RBFOX3: variants seen among roughly 807,000 people sequenced by gnomAD.
The protein encoded by RBFOX3 is RNA binding protein fox-1 homolog 3.
Under a neutral mutation model 48.7 loss-of-function variants are expected in RBFOX3, and 17 were observed. The ratio of observed to expected loss-of-function variants is 0.35; its 90% CI spans 0.24 to 0.52. The LOEUF is 0.52. Among genes scored for constraint, RBFOX3 ranks in the 20% least tolerant of loss-of-function variants. The pLI is 0.94. For missense variants in RBFOX3, 382 were observed against 497.5 expected (o/e 0.77, Z 2.21); for synonymous variants, 212 against 209.5 (o/e 1.01, Z -0.10).
chr17:79,210,928 C>A (rs1331287557), intron 4 of RBFOX3, among the ~76,000 whole-genome samples: 3 of 151,768 alleles, frequency 2.0e-5, no homozygotes, highest in Non-Finnish European at 4.4e-5. Context: ...ACCTCGGTAT[C>A]CCCAGTGTCC....
chr17:79,565,380 C>T (rs2092420051), intron 1 of RBFOX3, among the ~76,000 whole-genome samples: 2 of 149,954 alleles, frequency 1.3e-5, no homozygotes, highest in African/African-American at 4.9e-5. Flanking sequence ...CGCTCTGTTG[C>T]CTAGGCTGGA....
At chr17:79,513,930 T>G (rs1371399007) in intron 1 of RBFOX3, among the ~76,000 whole-genome samples, 1 of 152,162 alleles carries the variant, frequency 6.6e-6, no homozygotes, top group African/African-American at 2.4e-5. Context: ...TAGTCTAACT[T>G]GGAATTTGGC....
rs572019588 is a variant in RBFOX3 at position 79,423,205 on chromosome 17, C to T, written c.-175+59249G>A. The stretch of plus-strand genomic sequence containing the variant: ...CACATGTCCAAAACCAAACTCCTCA[C>T]GTCCTGCGGTCTCCCCGTGGAAGCC... On this transcript the variant is annotated intron_variant, in intron 2 of 14. Transcript: ENST00000693108. This position sits in a 1 kb window ranked among gnomAD's most constrained non-coding sequence, Gnocchi z 4.9. 2.0e-5 allele frequency among the ~76,000 whole-genome samples: 3 copies of T among 152,214 alleles called. No individual in the cohort carries two copies. The highest frequency in any genetic ancestry group is 2.9e-5 in the Non-Finnish European group (2 of 68,038).
intron 3 of RBFOX3, among the ~76,000 whole-genome samples, chr17:79,276,414 G>A (rs1178826694): frequency 2.6e-5 from 4 of 152,178 alleles, no homozygotes; most frequent in Non-Finnish European, 5.9e-5. Flanking sequence ...GACCAGGCGC[G>A]GTGGTTCACG....
intron 3 of RBFOX3, among the ~76,000 whole-genome samples, chr17:79,271,722 G>A (rs1241226992): frequency 3.3e-5 from 5 of 150,308 alleles, no homozygotes; most frequent in East Asian, 2.0e-4. Context: ...TCTGGACCCC[G>A]TTGCCTAATT....
chr17:79,264,071 C>T lies in RBFOX3; in HGVS notation c.-73-28266G>A, dbSNP rs993488396. On this transcript the variant is annotated intron_variant, in intron 3 of 14. Coordinates refer to ENST00000693108, the MANE Select transcript of RBFOX3 (RefSeq NM_001350451.2). ...GAAGGACCCTTCCCTAGAGCTTTGG[C>T]GGGAGCGCAGCCCTGTTGGCATCTT... 4.1e-5 allele frequency among the ~76,000 whole-genome samples: 6 copies of T among 147,678 alleles called. No homozygotes were observed. In the East Asian group the frequency reaches 5.9e-4, roughly 15 times the overall value.
chr17:79,216,937 C>T (rs2059133241), intron 4 of RBFOX3, among the ~76,000 whole-genome samples: 1 of 152,160 alleles, frequency 6.6e-6, no homozygotes, highest in South Asian at 2.1e-4. Context: ...ACCCCCGGCC[C>T]CTGTCTCCCC....
the RBFOX3 span, among the ~76,000 whole-genome samples, chr17:79,654,606 G>A: frequency 7.9e-5 from 12 of 152,180 alleles, no homozygotes; most frequent in Admixed American, 7.2e-4. Context: ...GTAAGGGAAG[G>A]AGTCCCTATT....
chr17:79,590,221 C>T (rs973384098), intron 1 of RBFOX3, among the ~76,000 whole-genome samples: 6 of 152,134 alleles, frequency 3.9e-5, no homozygotes, highest in Admixed American at 6.5e-5. Context: ...TGATAGGGGA[C>T]AGACACGCGC....
chr17:79,416,215 C>T (rs931980846), intron 2 of RBFOX3, among the ~76,000 whole-genome samples: 2 of 152,200 alleles, frequency 1.3e-5, no homozygotes, highest in Non-Finnish European at 1.5e-5. Context: ...GAATCCTCCC[C>T]GGGAGCAGCT....
upstream of RBFOX3, among the ~76,000 whole-genome samples, chr17:79,614,852 A>T (rs2093987931): frequency 6.6e-6 from 1 of 152,178 alleles, no homozygotes; most frequent in Non-Finnish European, 1.5e-5. Flanking sequence ...GGGATGAAAA[A>T]AAACTAGATG....
chr17:79,406,232 G>A (rs2063515585), intron 2 of RBFOX3, among the ~76,000 whole-genome samples: 1 of 152,118 alleles, frequency 6.6e-6, no homozygotes, highest in Non-Finnish European at 1.5e-5. Flanking sequence ...TGGAAACCAG[G>A]CAGAGACAAG....
rs2078434158 is a variant in RBFOX3, at chr17:79,479,309, C to T, written c.-175+3145G>A. 6.6e-6 allele frequency among the ~76,000 whole-genome samples: 1 copy of T among 152,192 alleles called. No homozygotes were observed. Among genetic ancestry groups the T allele is most frequent in the African/African-American group, 2.4e-5 (1 of 41,454 alleles). On this transcript the variant is annotated intron_variant, in intron 2 of 14. Coordinates refer to ENST00000693108, the MANE Select transcript of RBFOX3 (RefSeq NM_001350451.2). This position sits in a 1 kb window ranked among gnomAD's most constrained non-coding sequence, Gnocchi z 5.1. ...AGCTCGCGGGGCAGGAGGGTGTCTA[C>T]AGGCACACCTGACCTCAGATGTGTG...
intron 1 of RBFOX3, among the ~76,000 whole-genome samples, chr17:79,594,558 ACTCGAGCCACACAAACCCAGCAC>A (rs1187936543): frequency 2.0e-5 from 3 of 151,832 alleles, no homozygotes; most frequent in Non-Finnish European, 4.4e-5. Flanking sequence ...CGCAGGGAGG[ACTCGAGCCACACAAACCCAGCAC>A]CTCGAGGTTC....
At chr17:79,635,288 G>A in the RBFOX3 span, among the ~76,000 whole-genome samples, 1 of 151,978 alleles carries the variant, frequency 6.6e-6, no homozygotes, top group African/African-American at 2.4e-5. Flanking sequence ...GATACTCATG[G>A]GCCCTGGCAC....
At chr17:79,347,957 G>A (rs534016226) in intron 2 of RBFOX3, among the ~76,000 whole-genome samples, 1 of 152,296 alleles carries the variant, frequency 6.6e-6, no homozygotes, top group East Asian at 1.9e-4. Context: ...TGAGAGGTGG[G>A]TAGCCCAGTA....
At position 79,320,853 on chromosome 17, in the gene RBFOX3, G is replaced by A. The variant is rs140441100; in HGVS notation, c.-174-13029C>T. On this transcript the variant is annotated intron_variant, in intron 2 of 14. Coordinates refer to ENST00000693108, the MANE Select transcript of RBFOX3 (RefSeq NM_001350451.2). ...GTTCTAGGTCTCAGAATCAGAGTCCGTCTGTCACCATCGCTAACAGGTAGG... is the reference window on the plus strand; with the variant it reads ...GTTCTAGGTCTCAGAATCAGAGTCCATCTGTCACCATCGCTAACAGGTAGG... Among the ~76,000 whole-genome samples the A allele has an allele frequency of 2.7e-3, 417 of 152,236 alleles. 2 individuals carry two copies. In the Middle Eastern group the frequency reaches 0.037, roughly 14 times the overall value.
At chr17:79,238,726 C>T (rs760584860) in intron 3 of RBFOX3, among the ~76,000 whole-genome samples, 31 of 152,140 alleles carry the variant, frequency 2.0e-4, no homozygotes, top group Non-Finnish European at 3.5e-4. Context: ...ATGTGTCACA[C>T]ACGTACGAGT....
rs2057210581 is a variant in RBFOX3 at position 79,362,995 on chromosome 17, A to G, written c.-174-55171T>C. Among the ~76,000 whole-genome samples, 1 of 152,226 alleles carries G rather than the reference A, an allele frequency of 6.6e-6. No individual in the cohort carries two copies. The highest frequency in any genetic ancestry group is 1.5e-5 in the Non-Finnish European group (1 of 68,034). ...GGGTTGGAGCGGGGTAAGCCCCAGA[A>G]TATCTCACAAGCCAGAGTACCTTCT... On this transcript the variant is annotated intron_variant, in intron 2 of 14. Transcript: ENST00000693108. This position sits in a 1 kb window ranked among gnomAD's most constrained non-coding sequence, Gnocchi z 4.2.
Sources: gnomAD v4.1 joint callset for allele counts (sites outside exome capture counted in the v4.1 genomes callset) on GRCh38, gnomAD v4.1.1 for gene constraint, Gnocchi (gnomAD v3.1) non-coding constraint, MANE v1.5 for transcripts, NCBI Gene and HGNC (gene_info 2026-07-23, HGNC 2026-07-21) for gene names.